The following ZCCHC14 variants were observed in gnomAD, a reference collection of about 807,000 sequenced individuals.
The protein encoded by ZCCHC14 is zinc finger CCHC domain-containing protein 14.
Under a neutral mutation model 85.0 loss-of-function variants are expected in ZCCHC14, and 16 were observed. That is an observed-to-expected ratio of 0.19 (90% CI 0.13 to 0.29). ZCCHC14 has a LOEUF of 0.29. Among genes scored for constraint, ZCCHC14 ranks in the 10% least tolerant of loss-of-function variants. ZCCHC14 has a pLI of 1.00. For missense variants in ZCCHC14, 1,303 were observed against 1,443.5 expected (o/e 0.90, Z 1.58); for synonymous variants, 775 against 630.7 (o/e 1.23, Z -3.43).
chr16:87,456,424 T>C (rs914653107), intron 2 of ZCCHC14, among the ~76,000 whole-genome samples: 6 of 148,832 alleles, frequency 4.0e-5, no homozygotes, highest in Admixed American at 2.1e-4. Context: ...CAGCAGCTAC[T>C]CCGGAGGCTG....
intron 2 of ZCCHC14, among the ~76,000 whole-genome samples, chr16:87,441,057 G>A (rs1750613677): frequency 6.7e-6 from 1 of 149,846 alleles, no homozygotes; most frequent in South Asian, 2.1e-4. Context: ...AGGCTGGAGT[G>A]CAGCGGCGCC....
At chr16:87,416,219 C>A (rs1422103980) in intron 8 of ZCCHC14, among the ~76,000 whole-genome samples, 1 of 152,012 alleles carries the variant, frequency 6.6e-6, no homozygotes, top group Non-Finnish European at 1.5e-5. Context: ...AGCCACCGCA[C>A]CTGGCCAGGG....
At chr16:87,477,673 ACTT>A (rs1424700722) in intron 1 of ZCCHC14, among the ~76,000 whole-genome samples, 1 of 152,178 alleles carries the variant, frequency 6.6e-6, no homozygotes, top group Admixed American at 6.5e-5. Flanking sequence ...CAAAAATAGA[ACTT>A]GACTCATGGA....
At chr16:87,471,193 C>T (rs149191459) in intron 1 of ZCCHC14, 1 of 152,206 alleles carries the variant, frequency 6.6e-6, no homozygotes, top group East Asian at 1.9e-4. Flanking sequence ...GGAGTAACGT[C>T]TGTTAAATAC....
intron 1 of ZCCHC14, among the ~76,000 whole-genome samples, chr16:87,478,445 G>A (rs1290514074): frequency 6.6e-6 from 1 of 152,148 alleles, no homozygotes; most frequent in African/African-American, 2.4e-5. Context: ...GAGTTCTCAC[G>A]TATGAAAGAT....
rs1337996077 is a variant in ZCCHC14, at chr16:87,417,013, A to T, written c.1383+447T>A. Among the ~76,000 whole-genome samples the T allele has an allele frequency of 3.3e-5, 5 of 152,342 alleles. No homozygotes were observed. In the East Asian group the frequency reaches 9.6e-4, roughly 29 times the overall value. ...CTTAAGAAATTTCTGAATTTTTTTA[A>T]CAGTGAAAAAATGTTCCTCATAAGA... On this transcript the variant is annotated intron_variant, in intron 8 of 12. Coordinates refer to ENST00000671377, the MANE Select transcript of ZCCHC14 (RefSeq NM_015144.3).
intron 1 of ZCCHC14, among the ~76,000 whole-genome samples, chr16:87,485,001 A>C (rs1912449194): frequency 6.6e-6 from 1 of 152,198 alleles, no homozygotes; most frequent in African/African-American, 2.4e-5. Flanking sequence ...AACACAAGAG[A>C]AACTAAGGAG....
At chr16:87,414,979 G>C (rs146155698) in intron 9 of ZCCHC14, among the ~76,000 whole-genome samples, 1 of 152,234 alleles carries the variant, frequency 6.6e-6, no homozygotes, top group African/African-American at 2.4e-5. Flanking sequence ...GTACTTGGGA[G>C]ACTGAGGCAG....
At chr16:87,426,918 A>T (rs1350509367) in intron 3 of ZCCHC14, among the ~76,000 whole-genome samples, 1 of 152,242 alleles carries the variant, frequency 6.6e-6, no homozygotes, top group Non-Finnish European at 1.5e-5. Context: ...TCTGAAATGA[A>T]AACCAGGCCA....
intron 2 of ZCCHC14, among the ~76,000 whole-genome samples, chr16:87,444,254 T>C (rs1359584295): frequency 6.6e-6 from 1 of 152,124 alleles, no homozygotes; most frequent in African/African-American, 2.4e-5. Flanking sequence ...AAGCTGAGTG[T>C]TGAACATCTT....
Position 87,491,339 on chromosome 16 carries a change from G to A in ZCCHC14, c.570+330C>T, listed in dbSNP as rs1912756053. 2.0e-5 allele frequency among the ~76,000 whole-genome samples: 3 copies of A among 152,200 alleles called. No individual in the cohort carries two copies. Among genetic ancestry groups the A allele is most frequent in the Admixed American group, 6.5e-5 (1 of 15,286 alleles). ...GCTCAGGGCCGCGGTGCGGTCTTGG[G>A]GCTTAAAGTGCAGACTTAGGGTGAG... On this transcript the variant is annotated intron_variant, in intron 1 of 12. Coordinates refer to ENST00000671377, the MANE Select transcript of ZCCHC14 (RefSeq NM_015144.3). This position sits in a 1 kb window ranked among gnomAD's most constrained non-coding sequence, Gnocchi z 5.9.
intron 1 of ZCCHC14, among the ~76,000 whole-genome samples, chr16:87,487,328 A>C (rs1489626010): frequency 6.6e-6 from 1 of 152,206 alleles, no homozygotes; most frequent in South Asian, 2.1e-4. Flanking sequence ...AGCCCCATGA[A>C]GCAGTTCATT....
At chr16:87,445,897 T>C (rs531306769) in intron 2 of ZCCHC14, among the ~76,000 whole-genome samples, 2 of 152,346 alleles carry the variant, frequency 1.3e-5, no homozygotes, top group South Asian at 4.1e-4. Flanking sequence ...TAATTACGCA[T>C]GCTGTTTGGA....
At chr16:87,471,867 A>G (rs1160019839) in intron 1 of ZCCHC14, 4 of 152,352 alleles carry the variant, frequency 2.6e-5, no homozygotes, top group Non-Finnish European at 5.9e-5. Flanking sequence ...GCTTGTACTC[A>G]TGAGCAACAA....
At chr16:87,433,005 A>G in intron 3 of ZCCHC14, 123 bp downstream of exon 3, 3 of 1,008,446 alleles carry the variant, frequency 3.0e-6, no homozygotes, top group Non-Finnish European at 4.3e-6. Flanking sequence ...CCAGCTTCCT[A>G]TACAGCACTG....
At chr16:87,437,221 A>G (rs1343859191) in intron 2 of ZCCHC14, among the ~76,000 whole-genome samples, 1 of 151,546 alleles carries the variant, frequency 6.6e-6, no homozygotes, top group Non-Finnish European at 1.5e-5. Context: ...CTGTAATCAC[A>G]GTTACTTGGG....
intron 3 of ZCCHC14, among the ~76,000 whole-genome samples, chr16:87,428,328 G>C (rs1174650697): frequency 6.6e-6 from 1 of 152,088 alleles, no homozygotes; most frequent in Non-Finnish European, 1.5e-5. Flanking sequence ...AAAGTTTTTA[G>C]AAAAAAACGT....
In ZCCHC14 at chr16:87,414,481, A is replaced by C. The variant is rs938905654; in HGVS notation, c.1536T>G (p.Gly512=). ...PSAPPLVTSS[G]VARVPPTSHV... is the part of the protein sequence containing the mutation. ...GGCTGGTGGGGGGCACTCGAGCCAC[A>C]CCACTGCTGGTGACCAGCGGCGGGG... The change falls in exon 10 of 13, where the codon GGT becomes GGG. Residue 512 remains glycine, a synonymous_variant. Coordinates refer to ENST00000671377, the MANE Select transcript of ZCCHC14 (RefSeq NM_015144.3). The C allele has an allele frequency of 6.2e-7, 1 of 1,613,472 alleles. No individual in the cohort carries two copies. The highest frequency in any genetic ancestry group is 2.2e-5 in the East Asian group (1 of 44,880).
At chr16:87,467,041 AATTG>A (rs1275709928) in intron 1 of ZCCHC14, 5 of 410,354 alleles carry the variant, frequency 1.2e-5, no homozygotes, top group East Asian at 9.2e-5. Context: ...GAAAAAAAAA[AATTG>A]TTTTTTTTTT....
Sources: allele counts gnomAD v4.1 joint callset (sites outside exome capture counted in the v4.1 genomes callset), GRCh38; gene constraint gnomAD v4.1.1; non-coding constraint Gnocchi (gnomAD v3.1); transcripts MANE v1.5; gene names NCBI Gene and HGNC (gene_info 2026-07-23, HGNC 2026-07-21).